Variants in KIAA0825 observed in about 807,000 individuals in gnomAD.
KIAA0825 encodes the protein uncharacterized protein KIAA0825.
KIAA0825 carries 119 observed loss-of-function variants against 147.6 expected under a neutral mutation model. The observed-to-expected ratio is 0.81, with a 90% confidence interval of 0.69 to 0.94. The LOEUF is 0.94. Among genes scored for constraint, KIAA0825 ranks in the 40% least tolerant of loss-of-function variants. The pLI, the probability that KIAA0825 is intolerant of heterozygous loss-of-function variation, is 0.00. For synonymous variants in KIAA0825, 470 were observed against 518.1 expected, an observed-to-expected ratio of 0.91 and a Z score of 1.26; for missense variants, 1,381 against 1,472.7, an observed-to-expected ratio of 0.94 and a Z score of 1.02.
At chr5:94,223,281 T>C (rs956809751) in intron 20 of KIAA0825, among the ~76,000 whole-genome samples, 8 of 152,190 alleles carry the variant, frequency 5.3e-5, no homozygotes, top group African/African-American at 1.9e-4. Flanking sequence ...ATGAGACTTA[T>C]CCAAGTTGCA....
chr5:94,471,838 A>T, intron 8 of KIAA0825, 107 bp from the exon 9 acceptor site: 1 of 979,704 alleles, frequency 1.0e-6, no homozygotes, highest in Non-Finnish European at 1.5e-6. Flanking sequence ...CATCAAACAT[A>T]AATATAATGA....
chr5:94,165,789 T>C (rs1767977315), intron 20 of KIAA0825, among the ~76,000 whole-genome samples: 1 of 152,118 alleles, frequency 6.6e-6, no homozygotes, highest in African/African-American at 2.4e-5. Flanking sequence ...TTATTTGTGG[T>C]ATCTAAAAAT....
intron 2 of KIAA0825, among the ~76,000 whole-genome samples, chr5:94,566,759 TC>T (rs1471423780): frequency 6.6e-6 from 1 of 152,136 alleles, no homozygotes; most frequent in African/African-American, 2.4e-5. Flanking sequence ...ATACTCTCTC[TC>T]AGGTGATAAG....
At position 94,470,071 on chromosome 5, in the gene KIAA0825, T is replaced by C. The variant is rs886399358; in HGVS notation, c.1762A>G (p.Ile588Val). 1.0e-5 allele frequency: 16 copies of C among 1,551,508 alleles called. No individual in the cohort carries two copies. The highest frequency in any genetic ancestry group is 1.4e-5 in the Non-Finnish European group (16 of 1,146,938). ...GTAACCTGAAACTGTAGAGTGTTGA[T>C]GAATTCCTGATATCGTTGGACAAGC... ...LVLVQRYQEF[I>V]NTLQFQVTNY... is the part of the protein sequence containing the mutation. Residue 588 changes from isoleucine to valine, a missense_variant, in exon 10 of 21, where the codon ATC becomes GTC. Coordinates refer to ENST00000682413, the MANE Select transcript of KIAA0825 (RefSeq NM_001145678.3).
intron 6 of KIAA0825, among the ~76,000 whole-genome samples, chr5:94,477,640 T>A (rs1469626171): frequency 6.6e-6 from 1 of 152,150 alleles, no homozygotes; most frequent in Non-Finnish European, 1.5e-5. Flanking sequence ...TCCTAGCATG[T>A]TAACTTCAAA....
intron 20 of KIAA0825, among the ~76,000 whole-genome samples, chr5:94,316,011 T>C (rs1373575734): frequency 6.6e-6 from 1 of 151,736 alleles, no homozygotes. Flanking sequence ...CATGTGTATT[T>C]TGGGTTTGTT....
chr5:94,364,460 C>T (rs1404656667), intron 20 of KIAA0825, among the ~76,000 whole-genome samples: 5 of 151,920 alleles, frequency 3.3e-5, no homozygotes, highest in African/African-American at 1.2e-4. Flanking sequence ...CGGCTCACTG[C>T]AAGCTCTGCC....
At chr5:94,593,056 C>G in intron 1 of KIAA0825, 2 of 692,156 alleles carry the variant, frequency 2.9e-6, no homozygotes, top group South Asian at 2.9e-5. Flanking sequence ...AGACCATTCT[C>G]AATTTCTTAC....
intron 20 of KIAA0825, among the ~76,000 whole-genome samples, chr5:94,232,940 G>A (rs988480534): frequency 2.0e-5 from 3 of 152,034 alleles, no homozygotes; most frequent in Admixed American, 6.5e-5. Context: ...AGGGATCAAG[G>A]AGTAATAGAA....
At chr5:94,458,308 A>C (rs567639186) in intron 12 of KIAA0825, among the ~76,000 whole-genome samples, 11 of 152,318 alleles carry the variant, frequency 7.2e-5, no homozygotes, top group African/African-American at 2.6e-4. Flanking sequence ...CCCATAGTAG[A>C]TTCATGGTAA....
At chr5:94,382,504 G>A (rs1026166251) in intron 20 of KIAA0825, among the ~76,000 whole-genome samples, 4 of 152,166 alleles carry the variant, frequency 2.6e-5, no homozygotes, top group African/African-American at 9.7e-5. Flanking sequence ...TCCTTCTAAG[G>A]TGGATCAATT....
At chr5:94,336,482 A>G (rs769540894) in intron 20 of KIAA0825, among the ~76,000 whole-genome samples, 6 of 148,354 alleles carry the variant, frequency 4.0e-5, no homozygotes, top group Non-Finnish European at 7.4e-5. Flanking sequence ...TCATTGTTCA[A>G]CTCTCACTTA....
intron 14 of KIAA0825, among the ~76,000 whole-genome samples, chr5:94,432,430 G>A (rs1755804110): frequency 6.6e-6 from 1 of 152,118 alleles, no homozygotes. Context: ...TCACCCTCAT[G>A]AAGTCTCAAA....
chr5:94,591,054 C>T (rs1784263665), intron 1 of KIAA0825, among the ~76,000 whole-genome samples: 1 of 152,108 alleles, frequency 6.6e-6, no homozygotes, highest in Non-Finnish European at 1.5e-5. Context: ...TTCCTTCTGT[C>T]CCTCCAGATA....
intron 10 of KIAA0825, among the ~76,000 whole-genome samples, chr5:94,467,976 A>G (rs989752835): frequency 3.9e-5 from 6 of 152,236 alleles, no homozygotes; most frequent in Non-Finnish European, 8.8e-5. Context: ...ATACACAAAA[A>G]AAGTATCACT....
At chr5:94,321,456 A>C (rs1780192018) in intron 20 of KIAA0825, among the ~76,000 whole-genome samples, 1 of 152,028 alleles carries the variant, frequency 6.6e-6, no homozygotes, top group Admixed American at 6.6e-5. Context: ...AAGTAACTCC[A>C]TTTTACATAT....
At chr5:94,271,574 C>G (rs1288198692) in intron 20 of KIAA0825, among the ~76,000 whole-genome samples, 1 of 152,022 alleles carries the variant, frequency 6.6e-6, no homozygotes, top group Non-Finnish European at 1.5e-5. Flanking sequence ...ATGGTGAAAC[C>G]CTGTCTCTAC....
At chr5:94,409,010 T>G (rs1242292540) in intron 15 of KIAA0825, among the ~76,000 whole-genome samples, 1 of 152,184 alleles carries the variant, frequency 6.6e-6, no homozygotes, top group Non-Finnish European at 1.5e-5. Flanking sequence ...AACTACAGAT[T>G]CATGGTATGA....
At chr5:94,222,767 T>C (rs1773781512) in intron 20 of KIAA0825, among the ~76,000 whole-genome samples, 1 of 152,180 alleles carries the variant, frequency 6.6e-6, no homozygotes, top group South Asian at 2.1e-4. Flanking sequence ...TATTCGACCA[T>C]ATGCCAGATA....
Sources: allele counts gnomAD v4.1 joint callset (sites outside exome capture counted in the v4.1 genomes callset), GRCh38; gene constraint gnomAD v4.1.1; transcripts MANE v1.5; gene names NCBI Gene and HGNC (gene_info 2026-07-23, HGNC 2026-07-21).